Variants in CNGB1 observed in about 807,000 individuals in gnomAD.
CNGB1 encodes cyclic nucleotide gated channel subunit beta 1.
In CNGB1, 126 loss-of-function variants were observed where a neutral mutation model predicts 151.7. The observed-to-expected ratio is 0.83, with a 90% CI of 0.72 to 0.96. CNGB1 has a LOEUF of 0.96. CNGB1 is among the 40% of genes least tolerant of loss of function. CNGB1 has a pLI of 0.00. For synonymous variants in CNGB1, 623 were observed against 635.1 expected, an observed-to-expected ratio of 0.98 and a Z score of 0.29; for missense variants, 1,698 against 1,627.0, an observed-to-expected ratio of 1.04 and a Z score of -0.75.
intron 23 of CNGB1, among the ~76,000 whole-genome samples, chr16:57,914,054 C>T (rs1567374823): frequency 6.6e-6 from 1 of 152,198 alleles, no homozygotes; most frequent in Non-Finnish European, 1.5e-5. Flanking sequence ...CAGTTATCAT[C>T]CATGTGTTCA....
intron 16 of CNGB1, among the ~76,000 whole-genome samples, chr16:57,935,678 T>A (rs1327077180): frequency 6.6e-6 from 1 of 151,964 alleles, no homozygotes; most frequent in Non-Finnish European, 1.5e-5. Context: ...TGGTACAGAT[T>A]TAGCAGTTAT....
intron 29 of CNGB1, among the ~76,000 whole-genome samples, chr16:57,899,185 T>A (rs566704334): frequency 6.6e-6 from 1 of 152,170 alleles, no homozygotes; most frequent in East Asian, 1.9e-4. Flanking sequence ...CATGCATGAA[T>A]GAATAGCTTG....
chr16:57,939,945 C>T (rs1053791986), intron 15 of CNGB1, among the ~76,000 whole-genome samples: 1 of 152,216 alleles, frequency 6.6e-6, no homozygotes, highest in Non-Finnish European at 1.5e-5. Context: ...TCTGTAGCCC[C>T]CTCGTGCACA....
In CNGB1 at chr16:57,919,129, G is replaced by T; in HGVS notation, c.1927C>A (p.Gln643Lys). ...AGCGGGTCAATGCTCTGGGGAAACT[G>T]GTACTTCTTCCAGGGGCGGTGTTTG... ...KFKHRPWKKY[Q>K]FPQSIDPLTN... The change falls in exon 20 of 33, where the codon CAG becomes AAG. Residue 643 changes from glutamine to lysine, a missense_variant. Gln to Lys is a moderately conservative substitution (Grantham distance 53). Coordinates refer to ENST00000251102, the MANE Select transcript of CNGB1 (RefSeq NM_001297.5). 6.2e-7 allele frequency: 1 copy of T among 1,614,148 alleles called. No homozygotes were observed. The highest frequency in any genetic ancestry group is 8.5e-7 in the Non-Finnish European group (1 of 1,180,034).
At chr16:57,899,977 A>G (rs1338352867) in intron 29 of CNGB1, among the ~76,000 whole-genome samples, 1 of 152,192 alleles carries the variant, frequency 6.6e-6, no homozygotes, top group Non-Finnish European at 1.5e-5. Flanking sequence ...ACTTTTTCTC[A>G]TTTAAAGCAA....
intron 11 of CNGB1, 32 bp from the exon 12 acceptor site, chr16:57,957,409 G>A (rs1283071725): frequency 6.2e-7 from 1 of 1,608,774 alleles, no homozygotes; most frequent in Admixed American, 1.7e-5. Flanking sequence ...GGAAAATCCT[G>A]CCACGGCCTC....
intron 21 of CNGB1, among the ~76,000 whole-genome samples, chr16:57,916,818 G>T (rs1444821769): frequency 6.6e-6 from 1 of 152,168 alleles, no homozygotes; most frequent in African/African-American, 2.4e-5. Context: ...ACCCCTGGGA[G>T]AAGTCAATTG....
chr16:57,897,042 A>G (rs1960248136), intron 31 of CNGB1, among the ~76,000 whole-genome samples: 1 of 151,888 alleles, frequency 6.6e-6, no homozygotes, highest in Admixed American at 6.6e-5. Flanking sequence ...AGTGGCTCAC[A>G]CCTGTAACCC....
intron 14 of CNGB1, among the ~76,000 whole-genome samples, chr16:57,941,875 A>G (rs1440460837): frequency 6.6e-6 from 1 of 151,680 alleles, no homozygotes; most frequent in Non-Finnish European, 1.5e-5. Flanking sequence ...TTTTTGAGAC[A>G]GGGTCTTACT....
chr16:57,931,513 A>G (rs1961349459), intron 17 of CNGB1, among the ~76,000 whole-genome samples: 1 of 152,150 alleles, frequency 6.6e-6, no homozygotes, highest in Admixed American at 6.5e-5. Context: ...CATTTGGGAC[A>G]GGGCCTCCCA....
intron 31 of CNGB1, among the ~76,000 whole-genome samples, chr16:57,896,583 T>C (rs1417418407): frequency 6.6e-6 from 1 of 151,998 alleles, no homozygotes; most frequent in East Asian, 1.9e-4. Flanking sequence ...CGTGGTGGTG[T>C]GCACCTGTAA....
intron 7 of CNGB1, among the ~76,000 whole-genome samples, chr16:57,961,133 C>A (rs777782330): frequency 6.6e-6 from 1 of 151,978 alleles, no homozygotes; most frequent in African/African-American, 2.4e-5. Context: ...GCTCTGGAAC[C>A]ACAGCCATGG....
chr16:57,955,101 C>T (rs1376409668), intron 12 of CNGB1: 3 of 1,404,010 alleles, frequency 2.1e-6, no homozygotes, highest in South Asian at 1.5e-5. Context: ...TAGCCTAAAT[C>T]TTGCAGGCTG....
At position 57,912,967 on chromosome 16, in the gene CNGB1, G is replaced by A. The variant is rs974814398; in HGVS notation, c.2332C>T (p.Arg778Cys). Reference protein sequence around the residue: ...KYMAFFEFNSRLESILSKAYV... With the variant: ...KYMAFFEFNSCLESILSKAYV... ...GCTTTGCTGAGGATGGATTCCAGGC[G>A]GCTGTTAAACTCGAAGAAGGCCATG... Residue 778 changes from arginine (R) to cysteine (C), a missense_variant, in exon 24 of 33, where the codon CGC (arginine) becomes TGC (cysteine). Physicochemically the swap from Arg to Cys is radical, Grantham distance 180. Coordinates refer to ENST00000251102, the MANE Select transcript of CNGB1 (RefSeq NM_001297.5). 26 of 1,613,912 alleles carry A rather than the reference G, an allele frequency of 1.6e-5. No homozygotes were observed. The Middle Eastern group carries it at 1.5e-3, about 92-fold the overall frequency.
chr16:57,897,536 C>A lies in CNGB1; in HGVS notation c.3103G>T (p.Ala1035Ser). The A allele has an allele frequency of 6.2e-7, 1 of 1,614,078 alleles. No homozygotes were observed. The highest frequency in any genetic ancestry group is 8.5e-7 in the Non-Finnish European group (1 of 1,180,036). Residue 1035 changes from alanine to serine, a missense_variant, in exon 31 of 33, where the codon GCT becomes TCT. By Grantham distance (99) the Ala-to-Ser change is moderately conservative. Coordinates refer to ENST00000251102, the MANE Select transcript of CNGB1 (RefSeq NM_001297.5). ...GTGCGCCGGTTCCCGCCCCCAACAGCCAGCAAGCTGGGGCAGAGAAGGGAG... is the reference window on the plus strand; with the variant it reads ...GTGCGCCGGTTCCCGCCCCCAACAGACAGCAAGCTGGGGCAGAGAAGGGAG... ...GSVFGEISLL[A>S]VGGGNRRTAN...
intron 12 of CNGB1, 21 bp downstream of exon 12, chr16:57,957,320 A>T (rs759957883): frequency 1.9e-5 from 31 of 1,608,684 alleles, no homozygotes; most frequent in Non-Finnish European, 2.6e-5. Flanking sequence ...GTACATGGGG[A>T]CTCAGTAATG....
At chr16:57,962,724 G>T (rs1486744508) in intron 6 of CNGB1, 114 bp from the exon 7 acceptor site, 2 of 1,567,042 alleles carry the variant, frequency 1.3e-6, no homozygotes, top group Non-Finnish European at 1.7e-6. Context: ...TCAAAGCAGG[G>T]TCAGTCAGGT....
chr16:57,921,370 C>T (rs68192852), intron 18 of CNGB1, among the ~76,000 whole-genome samples: 12,772 of 151,728 alleles, frequency 0.084, 1,516 homozygotes, highest in African/African-American at 0.27. Context: ...TACAGGTGCA[C>T]GCCACCAAGC....
At chr16:57,919,022 G>T in intron 20 of CNGB1, 77 bp downstream of exon 20, 1 of 1,605,924 alleles carries the variant, frequency 6.2e-7, no homozygotes. Flanking sequence ...TGAATCCCCT[G>T]ACCCTCTCCC....
Sources: gnomAD v4.1 joint callset for allele counts (sites outside exome capture counted in the v4.1 genomes callset) on GRCh38, gnomAD v4.1.1 for gene constraint, MANE v1.5 for transcripts, NCBI Gene and HGNC (gene_info 2026-07-23, HGNC 2026-07-21) for gene names.